Variants in TEKTIP1 observed in about 807,000 individuals in gnomAD.
TEKTIP1 encodes tektin bundle-interacting protein 1.
At chr19:3,543,491 C>CT in the TEKTIP1 span, 43 of 1,515,996 alleles carry the variant, frequency 2.8e-5, no homozygotes, top group South Asian at 1.4e-4. Flanking sequence ...CCCCCCCCCC[C>CT]GCCCTGGGCA....
the TEKTIP1 span, among the ~76,000 whole-genome samples, chr19:3,540,597 C>T: frequency 1.3e-5 from 2 of 151,862 alleles, no homozygotes; most frequent in Non-Finnish European, 2.9e-5. Flanking sequence ...ATCAGCCAGG[C>T]AGCCAGGCGC....
the TEKTIP1 span, chr19:3,543,722 A>C: frequency 6.7e-7 from 1 of 1,497,758 alleles, no homozygotes; most frequent in Non-Finnish European, 9.0e-7. Context: ...GGCCAGGGGG[A>C]CAAGGCCACC....
the TEKTIP1 span, chr19:3,542,235 C>T: frequency 4.1e-6 from 4 of 985,432 alleles, no homozygotes; most frequent in Non-Finnish European, 4.8e-6. Context: ...TGTGGGGTCC[C>T]TCAAACAGGC....
the TEKTIP1 span, chr19:3,542,119 C>T: frequency 1.0e-6 from 1 of 985,296 alleles, no homozygotes; most frequent in Non-Finnish European, 1.2e-6. Flanking sequence ...CAATTTTGTG[C>T]TGTTTTAATT....
chr19:3,543,471 C>A, the TEKTIP1 span: 6 of 1,475,164 alleles, frequency 4.1e-6, no homozygotes, highest in African/African-American at 1.6e-5. Flanking sequence ...AGCATGCCAT[C>A]GGGTGAGTGC....
the TEKTIP1 span, chr19:3,542,116 G>A: frequency 5.1e-6 from 5 of 985,180 alleles, no homozygotes; most frequent in African/African-American, 7.0e-5. Context: ...AGACAATTTT[G>A]TGCTGTTTTA....
chr19:3,543,710 GAGGCCAGGGGGACA>G, the TEKTIP1 span: 1 of 1,503,298 alleles, frequency 6.7e-7, no homozygotes, highest in Non-Finnish European at 8.9e-7. Context: ...GGGTCCTTGG[GAGGCCAGGGGGACA>G]AGGCCACCTA....
chr19:3,543,993 A>G, the TEKTIP1 span: 2 of 1,543,588 alleles, frequency 1.3e-6, no homozygotes, highest in Non-Finnish European at 1.8e-6. Context: ...GCCTTCCCTC[A>G]CACCCACTCC....
the TEKTIP1 span, among the ~76,000 whole-genome samples, chr19:3,541,162 C>CT: frequency 2.2e-5 from 2 of 91,632 alleles, no homozygotes; most frequent in African/African-American, 4.9e-5. Context: ...GAGCAAGACT[C>CT]TGTCTCAAAA....
chr19:3,543,421 C>T, the TEKTIP1 span: 1 of 1,547,298 alleles, frequency 6.5e-7, no homozygotes, highest in African/African-American at 1.4e-5. Flanking sequence ...TCCGCGAGGC[C>T]TACAACCGCT....
the TEKTIP1 span, among the ~76,000 whole-genome samples, chr19:3,540,770 T>G: frequency 5.3e-5 from 8 of 150,314 alleles, no homozygotes; most frequent in Admixed American, 3.3e-4. Flanking sequence ...TCCCAGCTAC[T>G]TGGGAGGCTG....
chr19:3,540,487 A>G, the TEKTIP1 span, among the ~76,000 whole-genome samples: 1 of 150,220 alleles, frequency 6.7e-6, no homozygotes, highest in Non-Finnish European at 1.5e-5. Context: ...CGATCTCCTG[A>G]CCTCATGATC....
At chr19:3,541,076 G>A in the TEKTIP1 span, among the ~76,000 whole-genome samples, 6 of 150,434 alleles carry the variant, frequency 4.0e-5, no homozygotes, top group Non-Finnish European at 8.9e-5. Flanking sequence ...GGCTGAGGCA[G>A]GAGAATCGCT....
chr19:3,542,880 G>A, the TEKTIP1 span: 1 of 1,400,394 alleles, frequency 7.1e-7, no homozygotes, highest in Non-Finnish European at 9.6e-7. Context: ...CCCAGAGGAA[G>A]GGACTTGTGG....
chr19:3,541,625 A>G, the TEKTIP1 span: 1 of 984,180 alleles, frequency 1.0e-6, no homozygotes, highest in East Asian at 1.2e-4. Context: ...CCAGTGCAAG[A>G]CCCTATTTCT....
chr19:3,543,132 C>T, the TEKTIP1 span: 160 of 1,511,774 alleles, frequency 1.1e-4, 1 homozygote, highest in South Asian at 8.2e-4. Flanking sequence ...GACCCCACGC[C>T]GTGGGCCAGG....
chr19:3,543,330 GC>G, the TEKTIP1 span: 23 of 1,549,268 alleles, frequency 1.5e-5, no homozygotes, highest in Non-Finnish European at 1.9e-5. Context: ...GACGCAGCCG[GC>G]CAGCTGTGGT....
chr19:3,541,271 G>C, the TEKTIP1 span, among the ~76,000 whole-genome samples: 1 of 151,858 alleles, frequency 6.6e-6, no homozygotes, highest in Non-Finnish European at 1.5e-5. Flanking sequence ...AGGAGGTCAA[G>C]GCTGCAGTGA....
chr19:3,539,355 G>C, the TEKTIP1 span: 23 of 712,992 alleles, frequency 3.2e-5, no homozygotes, highest in African/African-American at 5.7e-5. Context: ...GGTCTTGCAC[G>C]TGTCACTCGT....
Sources: allele counts gnomAD v4.1 joint callset (sites outside exome capture counted in the v4.1 genomes callset), GRCh38; gene constraint gnomAD v4.1.1; transcripts MANE v1.5; gene names NCBI Gene and HGNC (gene_info 2026-07-23, HGNC 2026-07-21).